The following NFATC2 variants were observed in gnomAD, a reference collection of about 807,000 sequenced individuals.
The protein encoded by NFATC2 is nuclear factor of activated T-cells, cytoplasmic 2.
NFATC2 carries 22 observed loss-of-function variants against 87.3 expected under a neutral mutation model. The ratio of observed to expected loss-of-function variants is 0.25; its 90% CI spans 0.18 to 0.36. The LOEUF is 0.36. Among genes scored for constraint, NFATC2 ranks in the 10% least tolerant of loss-of-function variants. NFATC2 has a pLI of 1.00. For synonymous variants in NFATC2, 565 were observed against 542.2 expected (o/e 1.04, Z -0.58); for missense variants, 1,149 against 1,259.1 (o/e 0.91, Z 1.32).
chr20:51,393,860 T>C (rs774633075), intron 10 of NFATC2, among the ~76,000 whole-genome samples: 5 of 152,164 alleles, frequency 3.3e-5, no homozygotes, highest in Non-Finnish European at 5.9e-5. Flanking sequence ...ACCAAGGCCC[T>C]CTCGAAGGGC....
At chr20:51,399,046 T>A (rs762341701) in intron 9 of NFATC2, 3 of 245,312 alleles carry the variant, frequency 1.2e-5, no homozygotes, top group African/African-American at 6.6e-5. Context: ...CATGGCCAAC[T>A]ACAAAGAGAA....
intron 6 of NFATC2, among the ~76,000 whole-genome samples, chr20:51,443,087 C>T (rs1213882842): frequency 6.6e-6 from 1 of 152,216 alleles, no homozygotes; most frequent in Non-Finnish European, 1.5e-5. Flanking sequence ...TTGGAACTTG[C>T]TGTTGCCACC....
chr20:51,484,713 C>T (rs1340157333), intron 3 of NFATC2, among the ~76,000 whole-genome samples: 2 of 152,252 alleles, frequency 1.3e-5, no homozygotes, highest in Non-Finnish European at 2.9e-5. Context: ...AGAGCCTTGT[C>T]CTGCTCGGTG....
At chr20:51,501,169 C>T (rs1367051902) in intron 3 of NFATC2, among the ~76,000 whole-genome samples, 3 of 151,974 alleles carry the variant, frequency 2.0e-5, no homozygotes, top group African/African-American at 7.3e-5. Context: ...GCAGACAACA[C>T]TTCCTCTATA....
chr20:51,402,506 C>T (rs976976585), intron 9 of NFATC2, among the ~76,000 whole-genome samples: 2 of 147,710 alleles, frequency 1.4e-5, no homozygotes, highest in Non-Finnish European at 3.0e-5. Context: ...AAGAAAAGCA[C>T]TTGTTACTAT....
At chr20:51,402,544 G>A (rs1988159041) in intron 9 of NFATC2, among the ~76,000 whole-genome samples, 3 of 149,776 alleles carry the variant, frequency 2.0e-5, no homozygotes, top group Non-Finnish European at 3.0e-5. Flanking sequence ...GAAACAAACA[G>A]TAATTCAAAC....
At chr20:51,561,443 GAAAGAAAGAAAGA>G (rs1568765553) in intron 1 of NFATC2, among the ~76,000 whole-genome samples, 61 of 96,040 alleles carry the variant, frequency 6.4e-4, no homozygotes, top group African/African-American at 1.8e-3. Context: ...AAGAAAGAAA[GAAAGAAAGAAAGA>G]AAGAAAGAAA....
chr20:51,400,914 C>T (rs1365003465), intron 9 of NFATC2, among the ~76,000 whole-genome samples: 1 of 152,170 alleles, frequency 6.6e-6, no homozygotes, highest in African/African-American at 2.4e-5. Flanking sequence ...AGGGTTTCCC[C>T]AATTTGAAAG....
chr20:51,482,183 A>T (rs1183939725), intron 3 of NFATC2, among the ~76,000 whole-genome samples: 1 of 151,460 alleles, frequency 6.6e-6, no homozygotes, highest in Non-Finnish European at 1.5e-5. Context: ...CCAGCTCAGC[A>T]ATAAGAACCC....
At position 51,532,321 on chromosome 20, in the gene NFATC2, A is replaced by AC. The variant is rs1206539230; in HGVS notation, c.131-8212dup. On this transcript the variant is annotated intron_variant, in intron 1 of 10. Transcript: ENST00000371564. Reference sequence around the variant, plus strand: ...CATTCTCAGGCAACCTGGCTCCTCCACCCCCCTAACCACTACTTTATCCTG... The same window carrying AC: ...CATTCTCAGGCAACCTGGCTCCTCCACCCCCCCTAACCACTACTTTATCCTG... Among the ~76,000 whole-genome samples, 6 of 151,368 alleles carry AC rather than the reference A, an allele frequency of 4.0e-5. No homozygotes were observed. The South Asian group carries it at 1.3e-3, about 32-fold the overall frequency.
intron 3 of NFATC2, among the ~76,000 whole-genome samples, chr20:51,489,656 G>A (rs2075848849): frequency 6.6e-6 from 1 of 152,144 alleles, no homozygotes; most frequent in East Asian, 1.9e-4. Flanking sequence ...ACATGGATAC[G>A]TGCACCGGCC....
upstream of NFATC2, among the ~76,000 whole-genome samples, chr20:51,547,046 T>C (rs2076895268): frequency 6.6e-6 from 1 of 152,064 alleles, no homozygotes; most frequent in Admixed American, 6.6e-5. Flanking sequence ...GAGACCATGT[T>C]GAGAGTTTGG....
intron 1 of NFATC2, among the ~76,000 whole-genome samples, chr20:51,537,777 C>A (rs891929612): frequency 6.6e-6 from 1 of 152,212 alleles, no homozygotes; most frequent in Non-Finnish European, 1.5e-5. Flanking sequence ...CATCAGGACT[C>A]CCACATCCTT....
At chr20:51,454,381 C>T (rs970918429) in intron 6 of NFATC2, among the ~76,000 whole-genome samples, 167 bp downstream of exon 6, 11 of 152,144 alleles carry the variant, frequency 7.2e-5, no homozygotes, top group Non-Finnish European at 1.0e-4. Flanking sequence ...CATGCAATGG[C>T]GAATGGTATG....
chr20:51,485,868 T>C (rs1055369214), intron 3 of NFATC2, among the ~76,000 whole-genome samples: 3 of 152,084 alleles, frequency 2.0e-5, no homozygotes, highest in Non-Finnish European at 4.4e-5. Flanking sequence ...CTTGTGGCAA[T>C]TAAGGGCCTC....
intron 9 of NFATC2, among the ~76,000 whole-genome samples, chr20:51,425,590 G>A (rs1445242009): frequency 6.6e-6 from 1 of 152,246 alleles, no homozygotes; most frequent in African/African-American, 2.4e-5. Flanking sequence ...ACCAGGCTCC[G>A]CGTGGGCTTT....
chr20:51,460,069 C>T (rs1310084442), intron 5 of NFATC2, among the ~76,000 whole-genome samples: 1 of 152,194 alleles, frequency 6.6e-6, no homozygotes, highest in Non-Finnish European at 1.5e-5. Flanking sequence ...ACAGCCCATG[C>T]TTAGCACACA....
At chr20:51,542,757 G>GGC (rs1555819149), upstream of NFATC2, 1 of 329,334 alleles carries the variant, frequency 3.0e-6, no homozygotes, top group Non-Finnish European at 4.0e-6. Context: ...GGCGGGGGGG[G>GGC]GGGGGGCGTG....
intron 10 of NFATC2, among the ~76,000 whole-genome samples, chr20:51,398,147 C>CT (rs397767154): frequency 3.3e-5 from 5 of 152,064 alleles, no homozygotes; most frequent in Admixed American, 1.3e-4. Flanking sequence ...GGAAGCCCCC[C>CT]GGGAGGAGCT....
Sources: gnomAD v4.1 joint callset for allele counts (sites outside exome capture counted in the v4.1 genomes callset) on GRCh38, gnomAD v4.1.1 for gene constraint, MANE v1.5 for transcripts, NCBI Gene and HGNC (gene_info 2026-07-23, HGNC 2026-07-21) for gene names.